The following RDH13 variants were observed in gnomAD, a reference collection of about 807,000 sequenced individuals.
RDH13 encodes the protein retinol dehydrogenase 13.
RDH13 carries 35 observed loss-of-function variants against 28.3 expected under a neutral mutation model. The ratio of observed to expected loss-of-function variants is 1.24; its 90% CI spans 0.95 to 1.64. The LOEUF is 1.64. RDH13 is among the 40% of genes most tolerant of loss of function. RDH13 has a pLI of 0.00. For synonymous variants in RDH13, 229 were observed against 198.5 expected, an observed-to-expected ratio of 1.15 and a Z score of -1.29; for missense variants, 514 against 446.3, an observed-to-expected ratio of 1.15 and a Z score of -1.37.
chr19:55,048,896 G>A, intron 3 of RDH13, 133 bp from the exon 4 acceptor site: 2 of 766,014 alleles, frequency 2.6e-6, no homozygotes, highest in Non-Finnish European at 4.4e-6. Flanking sequence ...GTGCCGAAGT[G>A]GCCATGTCAG....
chr19:55,059,582 G>A (rs1568729208), intron 1 of RDH13, among the ~76,000 whole-genome samples: 2 of 151,160 alleles, frequency 1.3e-5, no homozygotes, highest in South Asian at 2.1e-4. Flanking sequence ...CAAAGTTTTG[G>A]GGGTGGGGGG....
chr19:55,066,337 T>G (rs2075957177), upstream of RDH13, among the ~76,000 whole-genome samples: 1 of 152,138 alleles, frequency 6.6e-6, no homozygotes, highest in South Asian at 2.1e-4. Flanking sequence ...TCAGAGGGTT[T>G]ATGGCACCCA....
chr19:55,053,853 G>T (rs1374937802), intron 3 of RDH13: 1 of 152,186 alleles, frequency 6.6e-6, no homozygotes, highest in African/African-American at 2.4e-5. Flanking sequence ...GGCGCCCTGG[G>T]TGGGATTGCC....
chr19:55,051,219 G>A (rs955164686), intron 3 of RDH13, among the ~76,000 whole-genome samples: 5 of 152,230 alleles, frequency 3.3e-5, no homozygotes, highest in East Asian at 1.9e-4. Flanking sequence ...ACAGAGCTGC[G>A]TGGAAGCTGA....
Position 55,059,221 on chromosome 19 carries a change from C to G in RDH13, c.120G>C (p.Thr40=). 1 of 1,605,818 alleles carries G rather than the reference C, an allele frequency of 6.2e-7. No homozygotes were observed. The highest frequency in any genetic ancestry group is 8.5e-7 in the Non-Finnish European group (1 of 1,176,290). Residue 40 remains threonine, a synonymous_variant, in exon 2 of 7, where the codon ACG becomes ACC. Coordinates refer to ENST00000415061, the MANE Select transcript of RDH13 (RefSeq NM_001145971.2). ...CPSKATIPGK[T]VIVTGANTGI... Reference sequence around the variant, plus strand: ...CTGTGTTGGCACCCGTCACGATGACCGTCTTCCCAGGGATGGTGGCCTTGC... The same window carrying G: ...CTGTGTTGGCACCCGTCACGATGACGGTCTTCCCAGGGATGGTGGCCTTGC...
Position 55,059,133 on chromosome 19 carries a change from G to C in RDH13, c.184+24C>G, listed in dbSNP as rs1168058471. The C allele has an allele frequency of 1.1e-5, 16 of 1,458,148 alleles. No homozygotes were observed. In the South Asian group the frequency reaches 1.7e-4, roughly 15 times the overall value. 90.3% of individuals were successfully genotyped at this position (1,458,148 alleles called of 1,614,324 possible). A position where few individuals can be genotyped will look rare whatever the true frequency, so the allele number is the denominator to read the frequency against. ...CATGGATGTACAGATATCTCTCTGA[G>C]AGCCAAAGCAGGGGAGATTTTACCT... is the stretch of plus-strand genomic sequence containing the variant. On this transcript the variant is annotated intron_variant, in intron 2 of 6. Coordinates refer to ENST00000415061, the MANE Select transcript of RDH13 (RefSeq NM_001145971.2).
upstream of RDH13, among the ~76,000 whole-genome samples, chr19:55,065,843 G>C (rs2075950199): frequency 6.6e-6 from 1 of 152,126 alleles, no homozygotes; most frequent in Admixed American, 6.6e-5. Flanking sequence ...TCAGCCTCAT[G>C]AGTAGCTGGG....
chr19:55,045,290 C>A lies in RDH13; in HGVS notation c.780G>T (p.Leu260=). The A allele has an allele frequency of 6.2e-7, 1 of 1,612,596 alleles. No homozygotes were observed. Among genetic ancestry groups the A allele is most frequent in the Non-Finnish European group, 8.5e-7 (1 of 1,179,842 alleles). Residue 260 remains leucine, a synonymous_variant, in exon 7 of 7, where the codon CTG becomes CTT. Transcript: ENST00000415061. ...STTLGPIFWL[L]VKSPELAAQP... ...GGGCGGCCAGCTCGGGGCTCTTGAC[C>A]AGCAGCCAGAAGATGGGCCCTGCAA...
intron 2 of RDH13, among the ~76,000 whole-genome samples, chr19:55,057,963 T>C (rs1329504729): frequency 6.6e-6 from 1 of 151,684 alleles, no homozygotes; most frequent in Non-Finnish European, 1.5e-5. Context: ...CTGGTAGAGA[T>C]GGGGGTGTTG....
intron 5 of RDH13, 130 bp downstream of exon 5, chr19:55,048,199 T>C (rs1238626900): frequency 6.5e-7 from 1 of 1,541,708 alleles, no homozygotes; most frequent in South Asian, 1.2e-5. Flanking sequence ...GGCAGCGTGG[T>C]CCACATGCTC....
rs537237564 is a variant in RDH13, at chr19:55,048,662, G to C, written c.442C>G (p.Leu148Val). The change falls in exon 4 of 7, where the codon CTG becomes GTG. Residue 148 changes from leucine to valine, a missense_variant. By Grantham distance (32) the Leu-to-Val change is conservative (BLOSUM62 1). Coordinates refer to ENST00000415061, the MANE Select transcript of RDH13 (RefSeq NM_001145971.2). Reference sequence around the variant, plus strand: ...GCAGCCCCTGCCCAGGCCTCACCCAGGTGGTTAACGCCAAACTGCATCTCG... The same window carrying C: ...GCAGCCCCTGCCCAGGCCTCACCCACGTGGTTAACGCCAAACTGCATCTCG... The part of the protein sequence containing the change: ...GFEMQFGVNH[L>V]GHFLLTNLLL... 3 of 1,613,884 alleles carry C rather than the reference G, an allele frequency of 1.9e-6. No individual in the cohort carries two copies. The South Asian group carries it at 3.3e-5, about 18-fold the overall frequency.
Position 55,059,176 on chromosome 19 carries a change from G to C in RDH13, c.165C>G (p.Ala55=). 2 of 1,596,788 alleles carry C rather than the reference G, an allele frequency of 1.3e-6. No individual in the cohort carries two copies. The highest frequency in any genetic ancestry group is 1.7e-6 in the Non-Finnish European group (2 of 1,171,566). Reference sequence around the variant, plus strand: ...TTTTACCTCTCCTGGCCAGTTCCAAGGCGGTCTGCTTCCCGATGCCTGTGT... The same window carrying C: ...TTTTACCTCTCCTGGCCAGTTCCAACGCGGTCTGCTTCCCGATGCCTGTGT... ...GANTGIGKQT[A]LELARRGGNI... Residue 55 remains alanine (A), a synonymous_variant, in exon 2 of 7, where the codon GCC becomes GCG. Transcript: ENST00000415061.
chr19:55,047,852 T>G, intron 5 of RDH13: 1 of 476,482 alleles, frequency 2.1e-6, no homozygotes, highest in Non-Finnish European at 3.8e-6. Flanking sequence ...CTAGCACAGA[T>G]TTCTCAATCT....
chr19:55,067,417 C>T (rs765722201), upstream of RDH13: 17 of 152,160 alleles, frequency 1.1e-4, no homozygotes, highest in Non-Finnish European at 2.4e-4. Context: ...GGAGGAGACT[C>T]CGGGCTGTGG....
chr19:55,041,779 T>G (rs1347405145), downstream of RDH13: 1 of 152,176 alleles, frequency 6.6e-6, no homozygotes, highest in African/African-American at 2.4e-5. Flanking sequence ...ATCCCCCTGG[T>G]TCCTTCACAG....
In RDH13 at chr19:55,048,761, C is replaced by G. The variant is rs1390091520; in HGVS notation, c.343G>C (p.Glu115Gln). The change falls in exon 4 of 7, where the codon GAG (glutamate) becomes CAG (glutamine). Residue 115 changes from glutamate (E) to glutamine (Q), a missense_variant and splice_region_variant. Physicochemically the swap from Glu to Gln is conservative, Grantham distance 29. Transcript: ENST00000415061. ...TTGATTAGAATGTCCACTCGCTCCT[C>G]CTCTGGAAGAGAGGGGTGGAGGAGG... ...REFAAKIIEE[E>Q]ERVDILINNA... 1.2e-6 allele frequency: 2 copies of G among 1,613,742 alleles called. No homozygotes were observed. Among genetic ancestry groups the G allele is most frequent in the East Asian group, 4.5e-5 (2 of 44,860 alleles).
chr19:55,051,324 G>A (rs905714821), intron 3 of RDH13, among the ~76,000 whole-genome samples: 1 of 152,234 alleles, frequency 6.6e-6, no homozygotes, highest in South Asian at 2.1e-4. Flanking sequence ...GATGCAGGCA[G>A]CAGGCGCAGC....
intron 3 of RDH13, among the ~76,000 whole-genome samples, chr19:55,055,487 A>C (rs912066141): frequency 6.6e-6 from 1 of 152,042 alleles, no homozygotes; most frequent in Non-Finnish European, 1.5e-5. Context: ...GTATTTTATA[A>C]ATGTCCCATA....
intron 2 of RDH13, among the ~76,000 whole-genome samples, chr19:55,058,841 T>C (rs2147060840): frequency 6.6e-6 from 1 of 152,248 alleles, no homozygotes; most frequent in African/African-American, 2.4e-5. Flanking sequence ...CCACAACTCC[T>C]GGCTAATTTT....
Sources: allele counts gnomAD v4.1 joint callset (sites outside exome capture counted in the v4.1 genomes callset), GRCh38; gene constraint gnomAD v4.1.1; transcripts MANE v1.5; gene names NCBI Gene and HGNC (gene_info 2026-07-23, HGNC 2026-07-21).